MIS18BP1: variants seen among roughly 807,000 people sequenced by gnomAD.
MIS18BP1 encodes mis18-binding protein 1.
In MIS18BP1, 72 loss-of-function variants were observed where a neutral mutation model predicts 116.1. The observed-to-expected ratio is 0.62, with a 90% CI of 0.51 to 0.75. The LOEUF (loss-of-function observed/expected upper bound fraction) is 0.75, where lower values mean the gene tolerates loss of function less well. Ranked by LOEUF, MIS18BP1 falls within the 30% of genes least tolerant of loss-of-function variation. MIS18BP1 has a pLI of 0.00. For missense variants in MIS18BP1, 1,363 were observed against 1,303.2 expected, an observed-to-expected ratio of 1.05 and a Z score of -0.71; for synonymous variants, 386 against 427.0, an observed-to-expected ratio of 0.90 and a Z score of 1.18.
intron 10 of MIS18BP1, among the ~76,000 whole-genome samples, chr14:45,225,898 T>C (rs1307650433): frequency 6.6e-6 from 1 of 152,182 alleles, no homozygotes; most frequent in Non-Finnish European, 1.5e-5. Flanking sequence ...ATAGATAATA[T>C]TGAATGCTGG....
At chr14:45,227,528 G>C (rs1021161191) in intron 9 of MIS18BP1, 135 bp downstream of exon 9, 1 of 711,160 alleles carries the variant, frequency 1.4e-6, no homozygotes, top group South Asian at 2.0e-5. Context: ...CTGGGCAATA[G>C]AGGGAGACTC....
chr14:45,213,032 C>T (rs989482521), intron 13 of MIS18BP1, among the ~76,000 whole-genome samples: 1 of 152,188 alleles, frequency 6.6e-6, no homozygotes, highest in Non-Finnish European at 1.5e-5. Context: ...CCTTATGTTT[C>T]CTTGGTCAAA....
At chr14:45,221,402 A>T (rs570733259) in intron 11 of MIS18BP1, among the ~76,000 whole-genome samples, 1 of 152,234 alleles carries the variant, frequency 6.6e-6, no homozygotes, top group South Asian at 2.1e-4. Flanking sequence ...GCGCCACTTC[A>T]CTCCAGCCTG....
rs149994258 is a variant in MIS18BP1 at position 45,227,808 on chromosome 14, T to G, written c.1601A>C (p.Lys534Thr). 2 of 1,613,298 alleles carry G rather than the reference T, an allele frequency of 1.2e-6. No homozygotes were observed. The highest frequency in any genetic ancestry group is 1.7e-6 in the Non-Finnish European group (2 of 1,179,586). The stretch of plus-strand genomic sequence containing the variant: ...TGGTGACTCACTGTGCTTATTACTC[T>G]TCAGTTCTATGAATACAAAGATGGA... ...YDFDCDNLEL[K>T]SNKHSESPGA... The change falls in exon 9 of 17, where the codon AAG (lysine) becomes ACG (threonine). Residue 534 changes from lysine to threonine, a missense_variant. By Grantham distance (78) the Lys-to-Thr change is moderately conservative. Transcript: ENST00000310806.
intron 15 of MIS18BP1, among the ~76,000 whole-genome samples, chr14:45,205,126 TAGAG>T (rs1890478674): frequency 6.6e-6 from 1 of 152,156 alleles, no homozygotes; most frequent in Admixed American, 6.5e-5. Context: ...TAGTAGCCCT[TAGAG>T]TAAGTACTGT....
At position 45,224,566 on chromosome 14, in the gene MIS18BP1, G is replaced by T. The variant is rs1263674431; in HGVS notation, c.2021C>A (p.Thr674Asn). 3 of 1,612,792 alleles carry T rather than the reference G, an allele frequency of 1.9e-6. No homozygotes were observed. The Admixed American group carries it at 5.0e-5, about 27-fold the overall frequency. Residue 674 changes from threonine to asparagine, a missense_variant, in exon 11 of 17, where the codon ACC (threonine) becomes AAC (asparagine). Transcript: ENST00000310806. ...TACAAAATCTGTTACTGCTTTGATG[G>T]TGCCAGCGGACAGATTATACCTCAT... Reference protein sequence around the residue: ...RCMRYNLSAGTIKAVTDFVIP... With the variant: ...RCMRYNLSAGNIKAVTDFVIP...
intron 11 of MIS18BP1, among the ~76,000 whole-genome samples, chr14:45,221,370 G>A (rs1207819813): frequency 1.3e-5 from 2 of 152,118 alleles, no homozygotes; most frequent in African/African-American, 4.8e-5. Context: ...CTGGGAGGTG[G>A]AGCTTGCAGT....
At chr14:45,240,825 C>G (rs1240991106) in intron 4 of MIS18BP1, among the ~76,000 whole-genome samples, 1 of 152,042 alleles carries the variant, frequency 6.6e-6, no homozygotes, top group Non-Finnish European at 1.5e-5. Context: ...TTGCATGAAC[C>G]TGGAAGGCGG....
intron 1 of MIS18BP1, among the ~76,000 whole-genome samples, chr14:45,252,729 T>C (rs1447956424): frequency 6.6e-6 from 1 of 150,418 alleles, no homozygotes; most frequent in Non-Finnish European, 1.5e-5. Flanking sequence ...AGGGGAAGAG[T>C]TGGGTACTGA....
rs1224702795 is a variant in MIS18BP1, at chr14:45,217,137, G to C, written c.2885C>G (p.Thr962Ser). ...CCTTTTAAGAGTTCCCACTTTGGCAGTTATCTTAATAGTTTGTTTCTGATC... is the reference window on the plus strand; with the variant it reads ...CCTTTTAAGAGTTCCCACTTTGGCACTTATCTTAATAGTTTGTTTCTGATC... ...DADQKQTIKI[T>S]AKVGTLKRKQ... The change falls in exon 13 of 17, where the codon ACT becomes AGT. Residue 962 changes from threonine (T) to serine (S), a missense_variant. By Grantham distance (58) the Thr-to-Ser change is moderately conservative (BLOSUM62 1). Transcript: ENST00000310806. 1 of 1,614,084 alleles carries C rather than the reference G, an allele frequency of 6.2e-7. No individual in the cohort carries two copies. The highest frequency in any genetic ancestry group is 2.2e-5 in the East Asian group (1 of 44,864).
chr14:45,203,571 C>T lies in MIS18BP1; in HGVS notation c.*538G>A, dbSNP rs1890423721. ...ATCACAAGTTTAAAATAAAAACAAT[C>T]AGGAGAGAAGCATGTCAACAATGTG... On this transcript the variant is annotated 3_prime_UTR_variant, in exon 17 of 17. Transcript: ENST00000310806. The T allele has an allele frequency of 6.6e-6, 1 of 152,084 alleles. No individual in the cohort carries two copies. Among genetic ancestry groups the T allele is most frequent in the Non-Finnish European group, 1.5e-5 (1 of 67,988 alleles). 9.4% of individuals were successfully genotyped at this position (152,084 alleles called of 1,614,324 possible).
intron 13 of MIS18BP1, among the ~76,000 whole-genome samples, chr14:45,211,226 T>C (rs753976116): frequency 6.6e-5 from 10 of 152,278 alleles, no homozygotes; most frequent in Admixed American, 4.6e-4. Flanking sequence ...ATTTATCTGG[T>C]CATGTATTTC....
chr14:45,213,780 A>T (rs192646951), intron 13 of MIS18BP1, among the ~76,000 whole-genome samples: 1 of 152,242 alleles, frequency 6.6e-6, no homozygotes, highest in Non-Finnish European at 1.5e-5. Context: ...AGAAGTAGAC[A>T]TAAGAGATTT....
intron 1 of MIS18BP1, among the ~76,000 whole-genome samples, chr14:45,249,114 G>C (rs1891801040): frequency 6.6e-6 from 1 of 151,698 alleles, no homozygotes; most frequent in South Asian, 2.1e-4. Context: ...GTTTCTGAGA[G>C]GGAGTCTTGC....
At chr14:45,217,281 A>T (rs1352734315) in intron 12 of MIS18BP1, 102 bp from the exon 13 acceptor site, 5 of 1,311,806 alleles carry the variant, frequency 3.8e-6, no homozygotes, top group South Asian at 1.5e-5. Flanking sequence ...CATTCATGTT[A>T]AAAAAAAACC....
At position 45,232,745 on chromosome 14, in the gene MIS18BP1, A is replaced by T; in HGVS notation, c.1424T>A (p.Leu475Gln). The T allele has an allele frequency of 6.9e-7, 1 of 1,457,628 alleles. No homozygotes were observed. Among genetic ancestry groups the T allele is most frequent in the Non-Finnish European group, 9.3e-7 (1 of 1,071,780 alleles). 90.3% of individuals were successfully genotyped at this position (1,457,628 alleles called of 1,614,324 possible). A position where few individuals can be genotyped will look rare whatever the true frequency, so the allele number is the denominator to read the frequency against. The change falls in exon 7 of 17, where the codon CTG becomes CAG. Residue 475 changes from leucine to glutamine, a missense_variant. Physicochemically the swap from Leu to Gln is moderately radical, Grantham distance 113. Coordinates refer to ENST00000310806, the MANE Select transcript of MIS18BP1 (RefSeq NM_018353.5). The part of the protein sequence containing the change: ...ENWKEHIDNF[L>Q]EQLRAGEKNR... ...AACAACATTTTACCTTAATTGTTCCAGAAAATTATCAATGTGCTCTTTCCA... is the reference window on the plus strand; with the variant it reads ...AACAACATTTTACCTTAATTGTTCCTGAAAATTATCAATGTGCTCTTTCCA...
At chr14:45,247,461 T>G in intron 1 of MIS18BP1, 84 bp from the exon 2 acceptor site, 1 of 500,168 alleles carries the variant, frequency 2.0e-6, no homozygotes, top group Non-Finnish European at 3.5e-6. Context: ...AACATTATAC[T>G]AATTAAAATG....
intron 6 of MIS18BP1, 135 bp downstream of exon 6, chr14:45,235,679 A>G: frequency 1.6e-6 from 1 of 632,028 alleles, no homozygotes. Context: ...CCAGTTTTAT[A>G]TAATATCAGT....
Position 45,204,921 on chromosome 14 carries a change from GTTA to G in MIS18BP1, c.3241-471_3241-469del, listed in dbSNP as rs936390657. On this transcript the variant is annotated intron_variant, in intron 15 of 16. Coordinates refer to ENST00000310806, the MANE Select transcript of MIS18BP1 (RefSeq NM_018353.5). ...ACTGTATTACTTTTACCTACAGTCT[GTTA>G]TTATAACAGTACAATGTTTTATACC... Among the ~76,000 whole-genome samples, 13 of 152,062 alleles carry G rather than the reference GTTA, an allele frequency of 8.5e-5. 1 individual carries two copies. Among genetic ancestry groups the G allele is most frequent in the Middle Eastern group, 3.4e-3 (1 of 294 alleles).
Sources: gnomAD v4.1 joint callset for allele counts (sites outside exome capture counted in the v4.1 genomes callset) on GRCh38, gnomAD v4.1.1 for gene constraint, MANE v1.5 for transcripts, NCBI Gene and HGNC (gene_info 2026-07-23, HGNC 2026-07-21) for gene names.